NAA15: variants seen among roughly 807,000 people sequenced by gnomAD.
The protein encoded by NAA15 is N-alpha-acetyltransferase 15, NatA auxiliary subunit, also known as N-terminal acetyltransferase.
A neutral mutation model predicts 114.0 loss-of-function variants in NAA15; 34 were observed. The observed-to-expected ratio is 0.30, with a 90% CI of 0.23 to 0.40. NAA15 has a LOEUF of 0.40. Ranked by LOEUF, NAA15 falls within the 10% of genes least tolerant of loss-of-function variation. The pLI is 1.00. For missense variants in NAA15, 658 were observed against 1,004.5 expected, an observed-to-expected ratio of 0.66 and a Z score of 4.66; for synonymous variants, 340 against 338.0, an observed-to-expected ratio of 1.01 and a Z score of -0.06.
intron 17 of NAA15, among the ~76,000 whole-genome samples, chr4:139,383,994 G>T (rs1353344978): frequency 1.3e-5 from 2 of 152,216 alleles, no homozygotes; most frequent in East Asian, 3.8e-4. Context: ...TTTACCAGGT[G>T]GGTATTCCCA....
chr4:139,340,952 G>A lies in NAA15; in HGVS notation c.285G>A (p.Lys95=), dbSNP rs1331120425. Residue 95 remains lysine (K), a synonymous_variant, in exon 4 of 20, where the codon AAG becomes AAA. Coordinates refer to ENST00000296543, the MANE Select transcript of NAA15 (RefSeq NM_057175.5). ...GCCTTCTTCAGAGGTCAGACAAGAAGTATGATGAAGCCATTAAGTGTTACA... is the reference window on the plus strand; with the variant it reads ...GCCTTCTTCAGAGGTCAGACAAGAAATATGATGAAGCCATTAAGTGTTACA... The part of the protein sequence containing the change: ...VYGLLQRSDK[K]YDEAIKCYRN... 5.0e-6 allele frequency: 8 copies of A among 1,602,262 alleles called. No individual in the cohort carries two copies. The highest frequency in any genetic ancestry group is 6.0e-6 in the Non-Finnish European group (7 of 1,175,482).
At chr4:139,304,259 A>T (rs1289496274) in intron 1 of NAA15, among the ~76,000 whole-genome samples, 1 of 152,258 alleles carries the variant, frequency 6.6e-6, no homozygotes, top group African/African-American at 2.4e-5. Context: ...TTTAATTTTG[A>T]GAAGACTGTA....
chr4:139,359,771 G>A lies in NAA15; in HGVS notation c.1286G>A (p.Arg429Lys). The A allele has an allele frequency of 6.2e-7, 1 of 1,603,088 alleles. No individual in the cohort carries two copies. The highest frequency in any genetic ancestry group is 8.5e-7 in the Non-Finnish European group (1 of 1,177,690). Residue 429 changes from arginine to lysine, a missense_variant, in exon 12 of 20, where the codon AGG becomes AAG. Arg to Lys is a conservative substitution (Grantham distance 26). Transcript: ENST00000296543. ...KHAGNIKEAA[R>K]WMDEAQALDT... ...GCTGGAAATATTAAAGAAGCTGCAAGGTGGATGGATGAGGCCCAGGCCTTG... is the reference window on the plus strand; with the variant it reads ...GCTGGAAATATTAAAGAAGCTGCAAAGTGGATGGATGAGGCCCAGGCCTTG...
intron 1 of NAA15, among the ~76,000 whole-genome samples, chr4:139,331,617 A>ATTTTTTT (rs34467609): frequency 3.9e-5 from 5 of 127,864 alleles, no homozygotes; most frequent in African/African-American, 5.8e-5. Context: ...TGCCCGGCTA[A>ATTTTTTT]TTTTTTTTTT....
chr4:139,338,933 C>G (rs1243494304), intron 3 of NAA15, among the ~76,000 whole-genome samples: 2 of 152,098 alleles, frequency 1.3e-5, no homozygotes, highest in East Asian at 1.9e-4. Context: ...GTCTCAGCCT[C>G]CCGAGTAGCT....
At chr4:139,328,499 C>T (rs147943887) in intron 1 of NAA15, among the ~76,000 whole-genome samples, 2 of 151,812 alleles carry the variant, frequency 1.3e-5, no homozygotes, top group Non-Finnish European at 2.9e-5. Flanking sequence ...TGAGCCACCA[C>T]ACCTGGCTGG....
At chr4:139,385,101 C>T (rs939640502) in intron 18 of NAA15, 123 bp downstream of exon 18, 7 of 806,932 alleles carry the variant, frequency 8.7e-6, no homozygotes, top group South Asian at 4.3e-5. Context: ...ACATTGTGAT[C>T]GTATGAAAAC....
At position 139,370,378 on chromosome 4, in the gene NAA15, G is replaced by T; in HGVS notation, c.1921G>T (p.Glu641Ter). 1 of 1,579,514 alleles carries T rather than the reference G, an allele frequency of 6.3e-7. No homozygotes were observed. The highest frequency in any genetic ancestry group is 1.2e-5 in the South Asian group (1 of 83,624). The change falls in exon 15 of 20, where the codon GAA (glutamate) becomes TAA (stop). Residue 641 changes from glutamate (E) to a stop codon, truncating the protein, a stop_gained. Coordinates refer to ENST00000296543, the MANE Select transcript of NAA15 (RefSeq NM_057175.5). LOFTEE classifies it high-confidence loss of function. Reference sequence around the variant, plus strand: ...TGAGGAGATAGGAGGTCCAAAAGAAGAACTTATTCCAGAGAAACTGGCCAA... The same window carrying T: ...TGAGGAGATAGGAGGTCCAAAAGAATAACTTATTCCAGAGAAACTGGCCAA... ...DDEEIGGPKE[E>*]LIPEKLAKVE...
chr4:139,352,829 G>T (rs941408717), intron 9 of NAA15, among the ~76,000 whole-genome samples: 1 of 151,730 alleles, frequency 6.6e-6, no homozygotes, highest in African/African-American at 2.4e-5. Flanking sequence ...CACCATACCA[G>T]GCTAATTTTT....
At chr4:139,320,964 C>T (rs1486420709) in intron 1 of NAA15, among the ~76,000 whole-genome samples, 2 of 152,158 alleles carry the variant, frequency 1.3e-5, no homozygotes, top group African/African-American at 4.8e-5. Flanking sequence ...TTCTTTTTAT[C>T]CTCTGGCTAG....
chr4:139,366,459 C>T (rs1238515142), intron 14 of NAA15, among the ~76,000 whole-genome samples: 1 of 152,158 alleles, frequency 6.6e-6, no homozygotes, highest in African/African-American at 2.4e-5. Context: ...CACACCATTA[C>T]TTCCTTCACA....
intron 14 of NAA15, among the ~76,000 whole-genome samples, chr4:139,365,704 A>C (rs1748261003): frequency 6.6e-6 from 1 of 151,986 alleles, no homozygotes; most frequent in African/African-American, 2.4e-5. Flanking sequence ...CAACCAAACA[A>C]AATAGGCATG....
intron 10 of NAA15, among the ~76,000 whole-genome samples, chr4:139,354,838 A>G (rs944098474): frequency 6.6e-6 from 1 of 152,184 alleles, no homozygotes; most frequent in African/African-American, 2.4e-5. Context: ...GAAGGACTTA[A>G]CCTAAAACAT....
chr4:139,332,012 T>A (rs1375198704), intron 1 of NAA15, among the ~76,000 whole-genome samples: 2 of 152,162 alleles, frequency 1.3e-5, no homozygotes, highest in Non-Finnish European at 1.5e-5. Flanking sequence ...GCAAGCACAC[T>A]AGTTCGATTT....
At chr4:139,361,642 C>A in intron 13 of NAA15, 82 bp from the exon 14 acceptor site, 1 of 801,006 alleles carries the variant, frequency 1.2e-6, no homozygotes, top group Non-Finnish European at 1.9e-6. Context: ...GCCAAAGTAA[C>A]AAGTATTCCA....
At chr4:139,321,557 C>T (rs1450246945) in intron 1 of NAA15, among the ~76,000 whole-genome samples, 8 of 150,392 alleles carry the variant, frequency 5.3e-5, no homozygotes, top group Admixed American at 1.3e-4. Flanking sequence ...CTGCAAGCTC[C>T]GCCTCCCGGA....
chr4:139,379,071 T>C, intron 17 of NAA15: 1 of 347,104 alleles, frequency 2.9e-6, no homozygotes, highest in Non-Finnish European at 5.1e-6. Flanking sequence ...TCAGTCCAGA[T>C]ATTTGAGAAT....
chr4:139,359,808 C>A lies in NAA15; in HGVS notation c.1323C>A (p.Asp441Glu). ...AGGCCCAGGCCTTGGACACAGCAGA[C>A]AGATTTATCAACTCCAAATGTGCAA... ...MDEAQALDTA[D>E]RFINSKCAKY... The change falls in exon 12 of 20, where the codon GAC becomes GAA. Residue 441 changes from aspartate to glutamate, a missense_variant. Asp to Glu is a conservative substitution (Grantham distance 45). Around this residue, in one of 6 missense-constraint regions of NAA15, gnomAD observed 281 missense variants for 389.1 expected, o/e 0.72. Transcript: ENST00000296543. 1 of 1,608,032 alleles carries A rather than the reference C, an allele frequency of 6.2e-7. No individual in the cohort carries two copies. Among genetic ancestry groups the A allele is most frequent in the East Asian group, 2.2e-5 (1 of 44,746 alleles).
At position 139,387,965 on chromosome 4, in the gene NAA15, T is replaced by C; in HGVS notation, c.2482T>C (p.Cys828Arg). Residue 828 changes from cysteine (C) to arginine (R), a missense_variant, in exon 20 of 20, where the codon TGT (cysteine) becomes CGT (arginine). Cys to Arg is a radical substitution (Grantham distance 180). Around this residue, in one of 6 missense-constraint regions of NAA15, gnomAD observed 275 missense variants for 371.1 expected, o/e 0.74. Coordinates refer to ENST00000296543, the MANE Select transcript of NAA15 (RefSeq NM_057175.5). ...KEAAEIYRAN[C>R]HKLFPYALAF... The stretch of plus-strand genomic sequence containing the variant: ...AGCTGCTGAAATTTATAGAGCAAAT[T>C]GTCATAAGCTTTTCCCTTATGCTTT... The C allele has an allele frequency of 6.2e-7, 1 of 1,614,010 alleles. No homozygotes were observed. The highest frequency in any genetic ancestry group is 8.5e-7 in the Non-Finnish European group (1 of 1,179,946).
Sources: gnomAD v4.1 joint callset for allele counts (sites outside exome capture counted in the v4.1 genomes callset) on GRCh38, gnomAD v4.1.1 for gene constraint, gnomAD v4.1.1 regional missense constraint, MANE v1.5 for transcripts, NCBI Gene and HGNC (gene_info 2026-07-23, HGNC 2026-07-21) for gene names.